PTPRD: variants seen among roughly 807,000 people sequenced by gnomAD.
PTPRD encodes protein tyrosine phosphatase receptor type D.
Under a neutral mutation model 214.5 loss-of-function variants are expected in PTPRD, and 34 were observed. That is an observed-to-expected ratio of 0.16 (90% CI 0.12 to 0.21). The LOEUF (loss-of-function observed/expected upper bound fraction) is 0.21. PTPRD is among the 10% of genes least tolerant of loss of function. The probability of loss-of-function intolerance (pLI) is 1.00; values close to 1 mark genes in which losing one functional copy is unlikely to be tolerated. For synonymous variants in PTPRD, 1,128 were observed against 845.7 expected (o/e 1.33, Z -5.79); for missense variants, 2,545 against 2,398.7 (o/e 1.06, Z -1.27).
chr9:9,761,378 G>C (rs1008449340), intron 6 of PTPRD, among the ~76,000 whole-genome samples: 1 of 152,142 alleles, frequency 6.6e-6, no homozygotes, highest in African/African-American at 2.4e-5. Flanking sequence ...GTATTGTTTA[G>C]GAAGAGGGTT....
At chr9:10,026,824 G>A (rs571636737) in intron 4 of PTPRD, among the ~76,000 whole-genome samples, 78 of 151,534 alleles carry the variant, frequency 5.1e-4, no homozygotes, top group African/African-American at 1.7e-3. Flanking sequence ...AGGAAGTTGC[G>A]GTCTCACAAG....
intron 5 of PTPRD, among the ~76,000 whole-genome samples, chr9:9,919,803 C>T (rs745500814): frequency 2.4e-4 from 37 of 152,132 alleles, no homozygotes; most frequent in African/African-American, 8.2e-4. Context: ...GTCTTCGTTA[C>T]TGCAGCATTT....
chr9:8,829,000 C>T (rs2097230138), intron 11 of PTPRD, among the ~76,000 whole-genome samples: 2 of 152,188 alleles, frequency 1.3e-5, no homozygotes, highest in African/African-American at 4.8e-5. Context: ...ACTGTGCCAG[C>T]AATGCCATCT....
chr9:10,585,513 G>A (rs2073606419), intron 2 of PTPRD, among the ~76,000 whole-genome samples: 1 of 151,866 alleles, frequency 6.6e-6, no homozygotes. Context: ...CAAACCCAAA[G>A]AATTTCAGGG....
chr9:9,871,586 T>C (rs984333603), intron 5 of PTPRD, among the ~76,000 whole-genome samples: 3 of 151,546 alleles, frequency 2.0e-5, no homozygotes, highest in Non-Finnish European at 1.5e-5. Context: ...GATTATCTTC[T>C]GGAAAGGGGC....
At chr9:8,592,907 G>A (rs1425200823) in intron 14 of PTPRD, among the ~76,000 whole-genome samples, 1 of 152,230 alleles carries the variant, frequency 6.6e-6, no homozygotes, top group African/African-American at 2.4e-5. Context: ...ATAGGTAGAG[G>A]TTTGACAGAA....
At chr9:10,210,008 C>G (rs1162328280) in intron 3 of PTPRD, among the ~76,000 whole-genome samples, 1 of 152,024 alleles carries the variant, frequency 6.6e-6, no homozygotes, top group African/African-American at 2.4e-5. Context: ...ATTATATTCT[C>G]TTCCTGTAAA....
intron 11 of PTPRD, among the ~76,000 whole-genome samples, chr9:8,780,789 C>T (rs764917929): frequency 6.6e-6 from 1 of 152,132 alleles, no homozygotes; most frequent in Non-Finnish European, 1.5e-5. Flanking sequence ...TCCTTAAACC[C>T]CAGTTTATAG....
rs562697365 is a variant in PTPRD at position 8,827,033 on chromosome 9, T to TAC, written c.-103-93089_-103-93088dup. ...TCAAACTCTAGTGTCTTTCTACCCC[T>TAC]ACACACACACATATAACACACACAC... On this transcript the variant is annotated intron_variant, in intron 11 of 45. Transcript: ENST00000381196. Among the ~76,000 whole-genome samples, 30 of 151,914 alleles carry TAC rather than the reference T, an allele frequency of 2.0e-4. No individual in the cohort carries two copies. The South Asian group carries it at 5.8e-3, about 29-fold the overall frequency.
At chr9:9,166,419 C>T (rs1211238039) in intron 10 of PTPRD, among the ~76,000 whole-genome samples, 1 of 152,040 alleles carries the variant, frequency 6.6e-6, no homozygotes, top group African/African-American at 2.4e-5. Context: ...AGCATTTGGC[C>T]TCTACTTTCT....
chr9:9,879,623 G>C (rs10124209), intron 5 of PTPRD, among the ~76,000 whole-genome samples: 1 of 152,070 alleles, frequency 6.6e-6, no homozygotes, highest in East Asian at 1.9e-4. Flanking sequence ...ACATCTGTCA[G>C]ACCAGGAATA....
chr9:9,190,731 A>C lies in PTPRD; in HGVS notation c.-202-7368T>G, dbSNP rs1239468933. Reference sequence around the variant, plus strand: ...ATTATCCAGTCTCAGGTATTTTGTTACAGCAGCATAAAATGTACTATGATA... The same window carrying C: ...ATTATCCAGTCTCAGGTATTTTGTTCCAGCAGCATAAAATGTACTATGATA... On this transcript the variant is annotated intron_variant, in intron 9 of 45. Transcript: ENST00000381196. 2.0e-5 allele frequency among the ~76,000 whole-genome samples: 3 copies of C among 152,126 alleles called. No individual in the cohort carries two copies. The South Asian group carries it at 6.2e-4, about 32-fold the overall frequency.
At chr9:8,762,326 C>A (rs1307277024) in intron 11 of PTPRD, among the ~76,000 whole-genome samples, 1 of 151,976 alleles carries the variant, frequency 6.6e-6, no homozygotes, top group Admixed American at 6.6e-5. Flanking sequence ...AAAGAAGCAC[C>A]CTTATTGTTA....
intron 8 of PTPRD, among the ~76,000 whole-genome samples, chr9:9,555,556 T>A (rs144847094): frequency 2.1e-3 from 313 of 152,228 alleles, no homozygotes; most frequent in African/African-American, 7.2e-3. Flanking sequence ...CCACTAAAAT[T>A]CAGCATTATT....
intron 11 of PTPRD, among the ~76,000 whole-genome samples, chr9:8,896,549 G>C (rs1459459612): frequency 1.3e-5 from 2 of 152,166 alleles, no homozygotes; most frequent in Non-Finnish European, 2.9e-5. Context: ...AAAAATTTTG[G>C]AACTAGTTAT....
intron 11 of PTPRD, among the ~76,000 whole-genome samples, chr9:8,905,293 T>G (rs1219395099): frequency 2.0e-5 from 3 of 152,084 alleles, no homozygotes; most frequent in Admixed American, 6.6e-5. Context: ...ATGTATAAAC[T>G]TGGCCTTTCC....
intron 12 of PTPRD, among the ~76,000 whole-genome samples, chr9:8,701,873 C>T (rs1005680958): frequency 1.3e-5 from 2 of 152,100 alleles, no homozygotes; most frequent in African/African-American, 4.8e-5. Context: ...TACCTATTTT[C>T]ATACTTTATT....
intron 3 of PTPRD, among the ~76,000 whole-genome samples, chr9:10,193,724 A>C (rs558498478): frequency 6.6e-6 from 1 of 152,192 alleles, no homozygotes; most frequent in Non-Finnish European, 1.5e-5. Context: ...TATTTTGGGT[A>C]ACACGTATGG....
intron 12 of PTPRD, among the ~76,000 whole-genome samples, chr9:8,694,141 A>G (rs774239416): frequency 4.6e-5 from 7 of 152,192 alleles, no homozygotes; most frequent in Non-Finnish European, 7.3e-5. Flanking sequence ...ATGTATTTTA[A>G]ATAAGAGAAT....
Sources: gnomAD v4.1 joint callset for allele counts (sites outside exome capture counted in the v4.1 genomes callset) on GRCh38, gnomAD v4.1.1 for gene constraint, MANE v1.5 for transcripts, NCBI Gene and HGNC (gene_info 2026-07-23, HGNC 2026-07-21) for gene names.